SBNO2: variants seen among roughly 807,000 people sequenced by gnomAD.
SBNO2 encodes strawberry notch homolog 2.
A neutral mutation model predicts 146.3 loss-of-function variants in SBNO2; 89 were observed. That is an observed-to-expected ratio of 0.61 (90% CI 0.51 to 0.73). The LOEUF (loss-of-function observed/expected upper bound fraction) is 0.73, where lower values mean the gene tolerates loss of function less well. Ranked by LOEUF, SBNO2 falls within the 30% of genes least tolerant of loss-of-function variation. The probability of loss-of-function intolerance (pLI) is 0.00; values close to 1 mark genes in which losing one functional copy is unlikely to be tolerated. For synonymous variants in SBNO2, 1,147 were observed against 892.6 expected, an observed-to-expected ratio of 1.29 and a Z score of -5.08; for missense variants, 2,092 against 2,003.7, an observed-to-expected ratio of 1.04 and a Z score of -0.84.
chr19:1,120,477 C>T (rs931917850), intron 11 of SBNO2, among the ~76,000 whole-genome samples: 5 of 152,198 alleles, frequency 3.3e-5, no homozygotes, highest in African/African-American at 1.2e-4. Context: ...AGTGATTCTC[C>T]TGCTTCAGCC....
At chr19:1,137,133 A>G (rs1386228400) in intron 4 of SBNO2, among the ~76,000 whole-genome samples, 1 of 144,442 alleles carries the variant, frequency 6.9e-6, no homozygotes, top group Admixed American at 7.0e-5. Flanking sequence ...GGCGAGCAGG[A>G]CCTGGGGAAT....
In SBNO2 at chr19:1,110,728, C is replaced by T. The variant is rs368588586; in HGVS notation, c.3028+17G>A. On this transcript the variant is annotated intron_variant, in intron 26 of 31. Transcript: ENST00000361757. This position sits in a 1 kb window ranked among gnomAD's most constrained non-coding sequence, Gnocchi z 4.9. ...CACCCACACCCACCCACACCACACC[C>T]CGGCACCTGTGCTCACCCAGGATGC... The T allele has an allele frequency of 1.2e-5, 19 of 1,613,260 alleles. No homozygotes were observed. Among genetic ancestry groups the T allele is most frequent in the Non-Finnish European group, 1.4e-5 (17 of 1,179,654 alleles).
At chr19:1,162,096 C>T (rs2080352992) in intron 1 of SBNO2, among the ~76,000 whole-genome samples, 1 of 150,808 alleles carries the variant, frequency 6.6e-6, no homozygotes, top group Admixed American at 6.6e-5. Flanking sequence ...GGACACAGGG[C>T]TCAGGGACCA....
rs2079944049 is a variant in SBNO2, at chr19:1,124,608, C to T, written c.442-586G>A. Among the ~76,000 whole-genome samples the T allele has an allele frequency of 2.0e-5, 3 of 152,302 alleles. No homozygotes were observed. In the South Asian group the frequency reaches 6.2e-4, roughly 32 times the overall value. ...TCCAAGAACCCCCGTGGGTGCAGTC[C>T]CTGAGGCCCCTCGAGGGCAGCACCT... On this transcript the variant is annotated intron_variant, in intron 5 of 31. Transcript: ENST00000361757.
In SBNO2 at chr19:1,144,675, A is replaced by AAGACAGAGAGGGCGACAG. The variant is rs1191753813; in HGVS notation, c.279+2616_279+2633dup. ...ACAGAGGCAGAGAGGGAAACAGACG[A>AAGACAGAGAGGGCGACAG]AGACAGAGAGGGCGACAGAGACAGA... On this transcript the variant is annotated intron_variant, in intron 4 of 31. Coordinates refer to ENST00000361757, the MANE Select transcript of SBNO2 (RefSeq NM_014963.3). This position sits in a 1 kb window ranked among gnomAD's most constrained non-coding sequence, Gnocchi z 4.1. 4.7e-5 allele frequency among the ~76,000 whole-genome samples: 7 copies of AAGACAGAGAGGGCGACAG among 147,462 alleles called. No individual in the cohort carries two copies. The highest frequency in any genetic ancestry group is 1.3e-4 in the Admixed American group (2 of 14,856).
chr19:1,155,686 C>T (rs1487274130), intron 1 of SBNO2, among the ~76,000 whole-genome samples: 1 of 152,208 alleles, frequency 6.6e-6, no homozygotes, highest in Non-Finnish European at 1.5e-5. Flanking sequence ...TCGGTATGTT[C>T]CTCTGGGAGA....
At position 1,144,010 on chromosome 19, in the gene SBNO2, C is replaced by T. The variant is rs142822728; in HGVS notation, c.279+3299G>A. Among the ~76,000 whole-genome samples, 814 of 152,312 alleles carry T rather than the reference C, an allele frequency of 5.3e-3. 1 individual carries two copies. The highest frequency in any genetic ancestry group is 0.018 in the African/African-American group (747 of 41,572). On this transcript the variant is annotated intron_variant, in intron 4 of 31. Coordinates refer to ENST00000361757, the MANE Select transcript of SBNO2 (RefSeq NM_014963.3). This position sits in a 1 kb window ranked among gnomAD's most constrained non-coding sequence, Gnocchi z 4.1. ...GGTCTGAGTCGGGAGCAGAGGCTTC[C>T]GTGGCTGGCTGGGCTGCGCTGGGGG...
intron 2 of SBNO2, among the ~76,000 whole-genome samples, chr19:1,152,367 C>T (rs1350863305): frequency 6.6e-6 from 1 of 152,222 alleles, no homozygotes; most frequent in African/African-American, 2.4e-5. Flanking sequence ...GCCGCTCTGT[C>T]TTCCCCTCCC....
At chr19:1,162,361 G>A (rs1435905027) in intron 1 of SBNO2, among the ~76,000 whole-genome samples, 2 of 149,584 alleles carry the variant, frequency 1.3e-5, no homozygotes, top group Non-Finnish European at 1.5e-5. Flanking sequence ...TCGGGAGGCC[G>A]AGGCAGGAGA....
chr19:1,154,335 C>T lies in SBNO2; in HGVS notation c.-59G>A, dbSNP rs767392138. 9.7e-6 allele frequency: 9 copies of T among 931,726 alleles called. No individual in the cohort carries two copies. Among genetic ancestry groups the T allele is most frequent in the Non-Finnish European group, 1.1e-5 (8 of 712,686 alleles). The allele number at this position is 931,726 out of a possible 1,614,324, so 57.7% of individuals were successfully genotyped here. The stretch of plus-strand genomic sequence containing the variant: ...CAGCAGGCGGCGGGACTCCAGGACC[C>T]GGGGCCGCCGGGGCGTCTATCTGGG... On this transcript the variant is annotated 5_prime_UTR_variant, in exon 2 of 32. Coordinates refer to ENST00000361757, the MANE Select transcript of SBNO2 (RefSeq NM_014963.3).
Position 1,144,957 on chromosome 19 carries a change from G to C in SBNO2, c.279+2352C>G, listed in dbSNP as rs1361041328. On this transcript the variant is annotated intron_variant, in intron 4 of 31. Coordinates refer to ENST00000361757, the MANE Select transcript of SBNO2 (RefSeq NM_014963.3). The surrounding 1 kb of genome is among the most constrained non-coding windows in gnomAD (Gnocchi z 4.1). ...AGACAGAGAGGGAGACAGAGACAAA[G>C]AGGGAGACAGAGACAGAGACTGAGA... Among the ~76,000 whole-genome samples the C allele has an allele frequency of 1.3e-5, 2 of 150,284 alleles. No individual in the cohort carries two copies. The highest frequency in any genetic ancestry group is 3.0e-5 in the Non-Finnish European group (2 of 67,670).
rs2080164450 is a variant in SBNO2, at chr19:1,144,122, G to C, written c.279+3187C>G. 6.6e-6 allele frequency among the ~76,000 whole-genome samples: 1 copy of C among 151,444 alleles called. No individual in the cohort carries two copies. The highest frequency in any genetic ancestry group is 2.1e-4 in the South Asian group (1 of 4,800). On this transcript the variant is annotated intron_variant, in intron 4 of 31. Transcript: ENST00000361757. The surrounding 1 kb of genome is among the most constrained non-coding windows in gnomAD (Gnocchi z 4.1). ...ACCACGCGGCCCAGCCCACAGGCCT[G>C]GGCTGACTCATACCCGTCCCGTCCC... is the stretch of plus-strand genomic sequence containing the variant.
chr19:1,122,881 G>A lies in SBNO2; in HGVS notation c.780+13C>T. The A allele has an allele frequency of 6.5e-7, 1 of 1,542,080 alleles. No homozygotes were observed. The highest frequency in any genetic ancestry group is 2.0e-5 in the Admixed American group (1 of 50,940). On this transcript the variant is annotated intron_variant, in intron 8 of 31. Transcript: ENST00000361757. ...CGGACACAGGCTGGGCTGGGTTGGG[G>A]ACATGCGGTCACCTGGCAGGCGTAG...
intron 1 of SBNO2, among the ~76,000 whole-genome samples, chr19:1,161,927 T>TGGGGGGGGG (rs1568638145): frequency 3.7e-4 from 3 of 8,218 alleles, no homozygotes; most frequent in Non-Finnish European, 6.2e-4. Context: ...GGGGGGGGGT[T>TGGGGGGGGG]GGGCCAGGCC....
rs890148330 is a variant in SBNO2, at chr19:1,173,496, G to A, written c.-127+676C>T. Among the ~76,000 whole-genome samples, 13 of 152,208 alleles carry A rather than the reference G, an allele frequency of 8.5e-5. No individual in the cohort carries two copies. The highest frequency in any genetic ancestry group is 3.1e-4 in the African/African-American group (13 of 41,470). ...AGAAGAGAAGTCGGAGGCCCCAGGA[G>A]CGGGAGGGGCGGGGAGCAAGGGGAG... is the stretch of plus-strand genomic sequence containing the variant. On this transcript the variant is annotated intron_variant, in intron 1 of 31. Transcript: ENST00000361757. The surrounding 1 kb of genome is among the most constrained non-coding windows in gnomAD (Gnocchi z 4.7).
At chr19:1,117,548 CGACCCGG>C (rs1333913657) in intron 14 of SBNO2, 49 bp from the exon 15 acceptor site, 1 of 1,506,746 alleles carries the variant, frequency 6.6e-7, no homozygotes, top group African/African-American at 1.4e-5. Flanking sequence ...TCCTGGCTCC[CGACCCGG>C]GCCCCGGCCC....
chr19:1,153,668 G>A (rs1482622953), intron 2 of SBNO2, among the ~76,000 whole-genome samples: 1 of 152,070 alleles, frequency 6.6e-6, no homozygotes, highest in Non-Finnish European at 1.5e-5. Flanking sequence ...CTCCCGAGTA[G>A]CTGGGATTAC....
chr19:1,152,565 C>T lies in SBNO2; in HGVS notation c.93+1619G>A, dbSNP rs144261401. ...ACCGGGGCAGCTGTGAGGATCCAGC[C>T]TCAACCCCAAGGGACTCAGGAACTA... On this transcript the variant is annotated intron_variant, in intron 2 of 31. Transcript: ENST00000361757. 4.6e-5 allele frequency among the ~76,000 whole-genome samples: 7 copies of T among 152,146 alleles called. No homozygotes were observed. The East Asian group carries it at 1.2e-3, about 25-fold the overall frequency.
chr19:1,172,502 T>G (rs1395677172), intron 1 of SBNO2, among the ~76,000 whole-genome samples: 1 of 152,130 alleles, frequency 6.6e-6, no homozygotes, highest in African/African-American at 2.4e-5. Flanking sequence ...ACAAACTCTC[T>G]GGGTCCCATG....
Sources: gnomAD v4.1 joint callset for allele counts (sites outside exome capture counted in the v4.1 genomes callset) on GRCh38, gnomAD v4.1.1 for gene constraint, Gnocchi (gnomAD v3.1) non-coding constraint, MANE v1.5 for transcripts, NCBI Gene and HGNC (gene_info 2026-07-23, HGNC 2026-07-21) for gene names.